Variants in THAP6 observed in about 807,000 individuals in gnomAD.
THAP6 encodes the protein THAP domain containing 6, also known as THAP domain-containing protein 6.
Under a neutral mutation model 20.0 loss-of-function variants are expected in THAP6, and 13 were observed. The ratio of observed to expected loss-of-function variants is 0.65; its 90% CI spans 0.42 to 1.03. The LOEUF (loss-of-function observed/expected upper bound fraction) is 1.03, where lower values mean the gene tolerates loss of function less well. Ranked by LOEUF, THAP6 falls within the 50% of genes least tolerant of loss-of-function variation. THAP6 has a pLI of 0.00. For missense variants in THAP6, 262 were observed against 261.6 expected (o/e 1.00, Z -0.01); for synonymous variants, 93 against 92.2 (o/e 1.01, Z -0.05).
At position 75,529,101 on chromosome 4, in the gene THAP6, C is replaced by G. The variant is rs192520230; in HGVS notation, c.*1887C>G. On this transcript the variant is annotated 3_prime_UTR_variant, in exon 5 of 5. Coordinates refer to ENST00000311638, the MANE Select transcript of THAP6 (RefSeq NM_144721.6). ...AATTACCCATTATTTATTTTAGTTA[C>G]TTAATTTTGAGTTCATAAATGGCCA... is the stretch of plus-strand genomic sequence containing the variant. The G allele has an allele frequency of 1.2e-4, 117 of 971,208 alleles. 1 individual carries two copies. The highest frequency in any genetic ancestry group is 8.6e-4 in the Admixed American group (14 of 16,256). 60.2% of individuals were successfully genotyped at this position (971,208 alleles called of 1,614,324 possible). A position where few individuals can be genotyped will look rare whatever the true frequency, so the allele number is the denominator to read the frequency against.
chr4:75,544,076 G>A (rs1463187355), intron 3 of THAP6, among the ~76,000 whole-genome samples: 1 of 151,920 alleles, frequency 6.6e-6, no homozygotes, highest in Non-Finnish European at 1.5e-5. Context: ...ATTTATATAG[G>A]GTGATTTTTT....
At chr4:75,534,462 G>A (rs537659555), downstream of THAP6, among the ~76,000 whole-genome samples, 1 of 152,232 alleles carries the variant, frequency 6.6e-6, no homozygotes, top group East Asian at 1.9e-4. Flanking sequence ...AAAAACCCTA[G>A]AAGAAAACCT....
At chr4:75,537,564 G>C (rs770375873) in intron 2 of THAP6, among the ~76,000 whole-genome samples, 31 of 152,158 alleles carry the variant, frequency 2.0e-4, no homozygotes, top group Non-Finnish European at 4.1e-4. Flanking sequence ...CCGCCACGTG[G>C]AACTGTGAGT....
chr4:75,518,612 G>A (rs1332074145), intron 3 of THAP6, among the ~76,000 whole-genome samples: 1 of 152,072 alleles, frequency 6.6e-6, no homozygotes, highest in Non-Finnish European at 1.5e-5. Context: ...CCTTCCCAGG[G>A]TCACACCTCT....
At chr4:75,520,842 A>C (rs1052620736) in intron 3 of THAP6, among the ~76,000 whole-genome samples, 3 of 152,200 alleles carry the variant, frequency 2.0e-5, no homozygotes, top group African/African-American at 7.2e-5. Flanking sequence ...CTTTGCTAAA[A>C]TTGATAGGCA....
intron 3 of THAP6, among the ~76,000 whole-genome samples, chr4:75,519,983 A>G (rs1725923750): frequency 6.6e-6 from 1 of 151,646 alleles, no homozygotes; most frequent in Non-Finnish European, 1.5e-5. Context: ...CATCCTCTCC[A>G]GCACCTGTTG....
chr4:75,533,670 G>A (rs1726758793), downstream of THAP6, among the ~76,000 whole-genome samples: 1 of 152,164 alleles, frequency 6.6e-6, no homozygotes, highest in Non-Finnish European at 1.5e-5. Flanking sequence ...ATGGTGGAAG[G>A]CAAGGAGGAG....
chr4:75,514,316 T>C, upstream of THAP6: 1 of 1,598,948 alleles, frequency 6.3e-7, no homozygotes, highest in Non-Finnish European at 8.6e-7. Context: ...ATTCCACCGA[T>C]CCTTCCCCCA....
Position 75,517,038 on chromosome 4 carries a change from A to C in THAP6, c.288+59A>C. Reference sequence around the variant, plus strand: ...TCACTTTTTTTTTTTTTTTTTTTTGAGATAGAGTCTCGCTCTGTCACCAAG... The same window carrying C: ...TCACTTTTTTTTTTTTTTTTTTTTGCGATAGAGTCTCGCTCTGTCACCAAG... On this transcript the variant is annotated intron_variant, in intron 3 of 4. Transcript: ENST00000311638. 3.8e-6 allele frequency: 3 copies of C among 799,130 alleles called. No homozygotes were observed. In the South Asian group the frequency reaches 5.0e-5, roughly 13 times the overall value. 49.5% of individuals were successfully genotyped at this position (799,130 alleles called of 1,614,324 possible). A position where few individuals can be genotyped will look rare whatever the true frequency, so the allele number is the denominator to read the frequency against.
chr4:75,522,138 G>T, intron 4 of THAP6: 3 of 411,002 alleles, frequency 7.3e-6, no homozygotes, highest in Non-Finnish European at 1.3e-5. Flanking sequence ...TATAATTTCC[G>T]TATGAAATAT....
At chr4:75,534,673 G>A (rs534700002), downstream of THAP6, among the ~76,000 whole-genome samples, 884 of 152,034 alleles carry the variant, frequency 5.8e-3, 10 homozygotes, top group African/African-American at 0.02. Flanking sequence ...TCTGACAAAG[G>A]GCTAATATCC....
At chr4:75,517,857 C>G (rs2148805856) in intron 3 of THAP6, 1 of 152,330 alleles carries the variant, frequency 6.6e-6, no homozygotes, top group Middle Eastern at 3.4e-3. Context: ...TCTCTCTTGA[C>G]TTTGTATACC....
upstream of THAP6, chr4:75,514,265 C>G (rs779178725): frequency 4.1e-5 from 66 of 1,612,654 alleles, no homozygotes; most frequent in East Asian, 1.3e-3. Context: ...CTGGCGCCAT[C>G]TTCCCGGGCC....
At chr4:75,533,625 T>C (rs187815793), downstream of THAP6, among the ~76,000 whole-genome samples, 13 of 152,268 alleles carry the variant, frequency 8.5e-5, no homozygotes, top group East Asian at 2.5e-3. Context: ...TTAAATGGAT[T>C]TACAGTTCCA....
At chr4:75,524,365 A>G (rs1028186111) in intron 4 of THAP6, among the ~76,000 whole-genome samples, 5 of 152,202 alleles carry the variant, frequency 3.3e-5, no homozygotes, top group Admixed American at 2.0e-4. Context: ...TAAGAAAAAA[A>G]TTGATATTAT....
upstream of THAP6, chr4:75,514,239 A>C (rs1578251137): frequency 1.2e-6 from 2 of 1,612,992 alleles, no homozygotes; most frequent in Non-Finnish European, 1.7e-6. Flanking sequence ...AGCCCCGCTG[A>C]CCTCGCTCTT....
downstream of THAP6, chr4:75,530,099 G>T (rs1726630396): frequency 1.0e-6 from 1 of 984,398 alleles, no homozygotes; most frequent in Non-Finnish European, 1.2e-6. Flanking sequence ...CGTACGTAGA[G>T]GTTTTGCTCT....
chr4:75,532,261 G>C (rs1211726984), downstream of THAP6, among the ~76,000 whole-genome samples: 5 of 152,324 alleles, frequency 3.3e-5, no homozygotes, highest in East Asian at 5.8e-4. Flanking sequence ...ATGCAAGTCT[G>C]AAGTCCAGCA....
Position 75,529,560 on chromosome 4 carries a change from G to A in THAP6, c.*2346G>A, listed in dbSNP as rs546865359. On this transcript the variant is annotated 3_prime_UTR_variant, in exon 5 of 5. Coordinates refer to ENST00000311638, the MANE Select transcript of THAP6 (RefSeq NM_144721.6). ...GATTAAAAATAGGGTCCTCCCTGCT[G>A]CTCCAAACAAATGCCTAAACACAGT... 3.1e-4 allele frequency: 304 copies of A among 985,424 alleles called. 1 individual carries two copies. The highest frequency in any genetic ancestry group is 8.6e-4 in the Admixed American group (14 of 16,284). The allele number at this position is 985,424 out of a possible 1,614,324, so 61.0% of individuals were successfully genotyped here.
Sources: gnomAD v4.1 joint callset for allele counts (sites outside exome capture counted in the v4.1 genomes callset) on GRCh38, gnomAD v4.1.1 for gene constraint, MANE v1.5 for transcripts, NCBI Gene and HGNC (gene_info 2026-07-23, HGNC 2026-07-21) for gene names.